The following NAV2 variants were observed in gnomAD, a reference collection of about 807,000 sequenced individuals.
The protein encoded by NAV2 is neuron navigator 2.
Under a neutral mutation model 223.2 loss-of-function variants are expected in NAV2, and 54 were observed. The ratio of observed to expected loss-of-function variants is 0.24; its 90% CI spans 0.19 to 0.30. The LOEUF (loss-of-function observed/expected upper bound fraction) is 0.30, where lower values mean the gene tolerates loss of function less well. NAV2 is among the 10% of genes least tolerant of loss of function. The pLI, the probability that NAV2 is intolerant of heterozygous loss-of-function variation, is 1.00. For synonymous variants in NAV2, 1,279 were observed against 1,239.3 expected (o/e 1.03, Z -0.67); for missense variants, 2,806 against 3,147.5 (o/e 0.89, Z 2.60).
chr11:19,807,359 C>T (rs1373372838), intron 1 of NAV2, among the ~76,000 whole-genome samples: 1 of 152,228 alleles, frequency 6.6e-6, no homozygotes, highest in African/African-American at 2.4e-5. Context: ...GGGAGCTACA[C>T]AGAAGACAAA....
At chr11:19,448,951 A>G (rs1462580000) in intron 1 of NAV2, among the ~76,000 whole-genome samples, 2 of 151,894 alleles carry the variant, frequency 1.3e-5, no homozygotes, top group Non-Finnish European at 2.9e-5. Flanking sequence ...GCAGTTATTT[A>G]TTTGTAAAAT....
At chr11:19,939,585 G>A in intron 7 of NAV2, 76 bp from the exon 8 acceptor site, 2 of 1,110,408 alleles carry the variant, frequency 1.8e-6, no homozygotes, top group East Asian at 2.4e-5. Context: ...GGTGAGGGCT[G>A]TGGTTAGACC....
intron 11 of NAV2, among the ~76,000 whole-genome samples, chr11:20,005,253 A>ATATTTTTTTT (rs1277010848): frequency 7.4e-6 from 1 of 134,554 alleles, no homozygotes; most frequent in South Asian, 2.4e-4. Context: ...ATATATATAT[A>ATATTTTTTTT]TTTTTTTTTT....
At chr11:19,627,208 C>T (rs1012943936) in intron 1 of NAV2, among the ~76,000 whole-genome samples, 6 of 152,030 alleles carry the variant, frequency 3.9e-5, no homozygotes, top group Admixed American at 6.6e-5. Flanking sequence ...GCCAACATGG[C>T]GAAACCCCGT....
At chr11:19,736,324 C>T (rs1423619689) in intron 1 of NAV2, among the ~76,000 whole-genome samples, 5 of 152,188 alleles carry the variant, frequency 3.3e-5, no homozygotes, top group African/African-American at 9.7e-5. Context: ...ACTAGAACTA[C>T]GCACTGTCAG....
intron 1 of NAV2, among the ~76,000 whole-genome samples, chr11:19,660,225 A>T (rs2135723771): frequency 6.6e-6 from 1 of 152,296 alleles, no homozygotes; most frequent in East Asian, 1.9e-4. Context: ...CAAAGGAAAC[A>T]GGCTTGCTTT....
chr11:19,900,909 T>C (rs916353307), intron 6 of NAV2, among the ~76,000 whole-genome samples: 6 of 152,212 alleles, frequency 3.9e-5, no homozygotes, highest in Admixed American at 3.3e-4. Context: ...CAACAGCAAG[T>C]TATCTTACCT....
At chr11:19,774,803 A>G (rs1451185871) in intron 1 of NAV2, among the ~76,000 whole-genome samples, 1 of 152,148 alleles carries the variant, frequency 6.6e-6, no homozygotes, top group East Asian at 1.9e-4. Context: ...ATTAAAGCTG[A>G]GGCAGGTACC....
chr11:19,622,329 T>C (rs1276795584), intron 1 of NAV2, among the ~76,000 whole-genome samples: 1 of 152,190 alleles, frequency 6.6e-6, no homozygotes, highest in East Asian at 1.9e-4. Context: ...TTCTATCTTG[T>C]TGATCTGTCT....
At chr11:19,495,163 ACAG>A (rs1048469628) in intron 1 of NAV2, among the ~76,000 whole-genome samples, 1 of 152,188 alleles carries the variant, frequency 6.6e-6, no homozygotes, top group Non-Finnish European at 1.5e-5. Context: ...TCAGCCTGTG[ACAG>A]CTGAGTTCCC....
intron 1 of NAV2, among the ~76,000 whole-genome samples, chr11:19,438,060 T>C (rs926878394): frequency 6.6e-6 from 1 of 152,210 alleles, no homozygotes. Flanking sequence ...TCCTTGGCAA[T>C]GACATAAAGT....
At chr11:19,897,979 TCA>T (rs2042141477) in intron 6 of NAV2, among the ~76,000 whole-genome samples, 1 of 150,572 alleles carries the variant, frequency 6.6e-6, no homozygotes, top group African/African-American at 2.5e-5. Context: ...CAGACCAGAA[TCA>T]CAGATTTTCA....
In NAV2 at chr11:19,434,470, A is replaced by G. The variant is rs540135824; in HGVS notation, c.75+83443A>G. 4.6e-5 allele frequency among the ~76,000 whole-genome samples: 7 copies of G among 152,316 alleles called. No individual in the cohort carries two copies. The South Asian group carries it at 1.5e-3, about 32-fold the overall frequency. ...GAAGAAGTTGGAGAGCAAGAAAGGA[A>G]GTGAGGAGTTTTTCAGTGTATCCTT... On this transcript the variant is annotated intron_variant, in intron 1 of 37. Coordinates refer to the NAV2 transcript ENST00000360655.
intron 24 of NAV2, among the ~76,000 whole-genome samples, chr11:20,079,843 TGTAAA>T (rs1356302068): frequency 3.9e-5 from 6 of 152,194 alleles, no homozygotes; most frequent in Admixed American, 2.0e-4. Context: ...ACTTCTGTTT[TGTAAA>T]GTGGGGAGAG....
At chr11:19,590,847 T>C (rs568634013) in intron 1 of NAV2, among the ~76,000 whole-genome samples, 1 of 152,352 alleles carries the variant, frequency 6.6e-6, no homozygotes, top group Non-Finnish European at 1.5e-5. Context: ...CCTCCAAATC[T>C]TGAGTCAAGA....
chr11:19,914,290 G>A (rs1457403367), intron 6 of NAV2, among the ~76,000 whole-genome samples: 1 of 152,182 alleles, frequency 6.6e-6, no homozygotes, highest in African/African-American at 2.4e-5. Flanking sequence ...TTGGGAGAAA[G>A]GTGGTGTCAC....
At chr11:19,595,406 TATA>T (rs2046178818) in intron 1 of NAV2, among the ~76,000 whole-genome samples, 1 of 152,248 alleles carries the variant, frequency 6.6e-6, no homozygotes, top group African/African-American at 2.4e-5. Flanking sequence ...TTAAGCACTT[TATA>T]ATATTAACTC....
At chr11:19,605,965 T>C (rs543557433) in intron 1 of NAV2, among the ~76,000 whole-genome samples, 1 of 152,292 alleles carries the variant, frequency 6.6e-6, no homozygotes, top group South Asian at 2.1e-4. Context: ...CAGGGGCCTG[T>C]GGAATCATAC....
chr11:20,031,872 T>C (rs2055790152), intron 11 of NAV2, among the ~76,000 whole-genome samples: 1 of 152,206 alleles, frequency 6.6e-6, no homozygotes, highest in African/African-American at 2.4e-5. Flanking sequence ...AATGTTGATG[T>C]ACTGTTTACA....
Sources: allele counts gnomAD v4.1 joint callset (sites outside exome capture counted in the v4.1 genomes callset), GRCh38; gene constraint gnomAD v4.1.1; transcripts MANE v1.5; gene names NCBI Gene and HGNC (gene_info 2026-07-23, HGNC 2026-07-21).